Variants in NREP observed in about 807,000 individuals in gnomAD.
NREP encodes the protein neuronal regeneration-related protein.
NREP carries 5 observed loss-of-function variants against 8.6 expected under a neutral mutation model. The ratio of observed to expected loss-of-function variants is 0.58; its 90% confidence interval spans 0.30 to 1.22. The LOEUF is 1.22. NREP is among the 50% of genes most tolerant of loss of function. NREP has a pLI of 0.07. For missense variants in NREP, 86 were observed against 82.5 expected (o/e 1.04, Z -0.17); for synonymous variants, 27 against 28.0 (o/e 0.96, Z 0.11).
chr5:111,742,122 G>A (rs564976226), intron 2 of NREP, among the ~76,000 whole-genome samples: 11 of 152,258 alleles, frequency 7.2e-5, no homozygotes, highest in African/African-American at 2.2e-4. Flanking sequence ...GCTTCGCTTC[G>A]GGTGTGTATT....
intron 2 of NREP, among the ~76,000 whole-genome samples, chr5:111,879,807 A>T (rs80021029): frequency 6.6e-6 from 1 of 152,182 alleles, no homozygotes; most frequent in Admixed American, 6.5e-5. Context: ...TTGTAGTCCC[A>T]TATGGCAGGG....
At chr5:111,765,933 A>T (rs1751072342) in intron 2 of NREP, among the ~76,000 whole-genome samples, 2 of 152,162 alleles carry the variant, frequency 1.3e-5, no homozygotes, top group African/African-American at 4.8e-5. Context: ...GATTTTTTTG[A>T]GGTGATTATT....
chr5:111,841,290 G>T (rs769458792), intron 2 of NREP, among the ~76,000 whole-genome samples: 4 of 152,122 alleles, frequency 2.6e-5, no homozygotes, highest in Non-Finnish European at 5.9e-5. Flanking sequence ...CTGGTCAAGG[G>T]TTGCCCCATG....
intron 2 of NREP, among the ~76,000 whole-genome samples, chr5:111,790,137 A>G (rs1256567276): frequency 1.3e-5 from 2 of 152,150 alleles, no homozygotes; most frequent in African/African-American, 4.8e-5. Context: ...CAGAACTACA[A>G]ATAATCAATA....
intron 2 of NREP, among the ~76,000 whole-genome samples, chr5:111,869,637 G>C (rs193065805): frequency 1.8e-4 from 28 of 152,232 alleles, no homozygotes; most frequent in African/African-American, 6.3e-4. Flanking sequence ...ATGCTCATGT[G>C]GAGAGAAAGA....
intron 2 of NREP, among the ~76,000 whole-genome samples, chr5:111,894,927 T>G (rs1754473024): frequency 6.6e-6 from 1 of 151,748 alleles, no homozygotes; most frequent in African/African-American, 2.4e-5. Flanking sequence ...TTAATCAACA[T>G]CAGAGAACTT....
intron 2 of NREP, among the ~76,000 whole-genome samples, chr5:111,793,168 G>A (rs1751790419): frequency 6.6e-6 from 1 of 152,118 alleles, no homozygotes; most frequent in African/African-American, 2.4e-5. Context: ...ACAATTGTTA[G>A]GTTTTAGGAA....
intron 2 of NREP, among the ~76,000 whole-genome samples, chr5:111,742,667 G>T (rs1027796270): frequency 2.0e-5 from 3 of 152,184 alleles, no homozygotes; most frequent in African/African-American, 7.2e-5. Flanking sequence ...TTCATTACGT[G>T]AGTTTTCTGG....
At chr5:111,886,115 C>G (rs1312368132) in intron 2 of NREP, among the ~76,000 whole-genome samples, 26 of 152,116 alleles carry the variant, frequency 1.7e-4, no homozygotes. Flanking sequence ...TGAACTCAAA[C>G]AAATTTACAA....
At chr5:111,967,939 T>C (rs554686923) in intron 2 of NREP, among the ~76,000 whole-genome samples, 89 of 152,232 alleles carry the variant, frequency 5.8e-4, no homozygotes, top group African/African-American at 2.1e-3. Flanking sequence ...AGCAGAACAA[T>C]AGCAGAAACT....
rs972123494 is a variant in NREP, at chr5:111,729,978, T to G, written c.*943A>C. On this transcript the variant is annotated 3_prime_UTR_variant, in exon 4 of 4. Transcript: ENST00000257435. ...GTTTTGCTCTTTTTTTCGACAAATA[T>G]CCTTTCAAACAGAAAGAACCCAAAG... 2 of 139,986 alleles carry G rather than the reference T, an allele frequency of 1.4e-5. No individual in the cohort carries two copies. The highest frequency in any genetic ancestry group is 6.3e-5 in the African/African-American group (2 of 31,724). 8.7% of individuals were successfully genotyped at this position (139,986 alleles called of 1,614,324 possible). A position where few individuals can be genotyped will look rare whatever the true frequency, so the allele number is the denominator to read the frequency against.
At chr5:111,824,508 G>C (rs1356306107) in intron 2 of NREP, among the ~76,000 whole-genome samples, 1 of 152,186 alleles carries the variant, frequency 6.6e-6, no homozygotes, top group Non-Finnish European at 1.5e-5. Flanking sequence ...AGAAGCATTG[G>C]GATGGAAACA....
intron 2 of NREP, among the ~76,000 whole-genome samples, chr5:111,741,000 C>A (rs1354803186): frequency 6.6e-6 from 1 of 152,174 alleles, no homozygotes; most frequent in East Asian, 1.9e-4. Flanking sequence ...CTGCTTACTT[C>A]ATTAGTTAAC....
chr5:111,731,586 G>A (rs765960378), intron 3 of NREP, among the ~76,000 whole-genome samples: 6 of 152,090 alleles, frequency 3.9e-5, no homozygotes, highest in Non-Finnish European at 1.5e-5. Flanking sequence ...GACAGAAGTG[G>A]CTACCAAAGA....
In NREP at chr5:111,974,946, C is replaced by T. The variant is rs532633628; in HGVS notation, c.135+328G>A. 4.6e-5 allele frequency among the ~76,000 whole-genome samples: 7 copies of T among 152,254 alleles called. No homozygotes were observed. The East Asian group carries it at 5.8e-4, about 13-fold the overall frequency. On this transcript the variant is annotated intron_variant, in intron 2 of 3. Coordinates refer to the NREP transcript ENST00000395634. ...GATCACATACTGAGAACAAAGACCA[C>T]GTGAGTTCCAAGAATGGAGGGAATG...
chr5:111,822,043 G>A (rs1187887163), intron 2 of NREP, among the ~76,000 whole-genome samples: 3 of 152,028 alleles, frequency 2.0e-5, no homozygotes, highest in Non-Finnish European at 2.9e-5. Flanking sequence ...CAGCTAATTT[G>A]CAAACTAGTT....
chr5:111,751,188 TG>T (rs1166377596), intron 2 of NREP, among the ~76,000 whole-genome samples: 4 of 152,334 alleles, frequency 2.6e-5, no homozygotes, highest in African/African-American at 9.6e-5. Context: ...TAAAACCTTC[TG>T]GGGCCTATAA....
At chr5:111,897,298 A>G (rs1754533655) in intron 2 of NREP, among the ~76,000 whole-genome samples, 1 of 152,196 alleles carries the variant, frequency 6.6e-6, no homozygotes, top group Non-Finnish European at 1.5e-5. Context: ...AATAACTGGA[A>G]CACAAGTACT....
intron 2 of NREP, among the ~76,000 whole-genome samples, chr5:111,747,345 AC>A (rs1750073108): frequency 6.6e-6 from 1 of 152,146 alleles, no homozygotes; most frequent in Non-Finnish European, 1.5e-5. Context: ...GGATGCCTGG[AC>A]CCGTTTTAAA....
Sources: allele counts gnomAD v4.1 joint callset (sites outside exome capture counted in the v4.1 genomes callset), GRCh38; gene constraint gnomAD v4.1.1; transcripts MANE v1.5; gene names NCBI Gene and HGNC (gene_info 2026-07-23, HGNC 2026-07-21).